Variants in GTF2A1L observed in about 807,000 individuals in gnomAD.
GTF2A1L encodes the protein general transcription factor IIA subunit 1 like, also known as TFIIA-alpha and beta-like factor.
Under a neutral mutation model 49.7 loss-of-function variants are expected in GTF2A1L, and 48 were observed. That is an observed-to-expected ratio of 0.97 (90% confidence interval 0.77 to 1.23). The LOEUF (loss-of-function observed/expected upper bound fraction) is 1.23, where lower values mean the gene tolerates loss of function less well. Among genes scored for constraint, GTF2A1L ranks in the 50% most tolerant of loss-of-function variants. GTF2A1L has a pLI of 0.00. For missense variants in GTF2A1L, 736 were observed against 564.8 expected, an observed-to-expected ratio of 1.30 and a Z score of -3.07; for synonymous variants, 246 against 193.5, an observed-to-expected ratio of 1.27 and a Z score of -2.25.
intron 6 of GTF2A1L, among the ~76,000 whole-genome samples, chr2:48,662,345 C>T (rs1270988018): frequency 6.6e-6 from 1 of 152,046 alleles, no homozygotes; most frequent in Admixed American, 6.6e-5. Context: ...TTAACTTTAC[C>T]AGATAATTTT....
At chr2:48,639,989 A>T (rs1416783693) in intron 3 of GTF2A1L, among the ~76,000 whole-genome samples, 2 of 152,190 alleles carry the variant, frequency 1.3e-5, no homozygotes, top group Non-Finnish European at 2.9e-5. Flanking sequence ...AATCAAAAAC[A>T]CAAGGAGATA....
At chr2:48,678,294 C>T (rs532627961) in intron 8 of GTF2A1L, among the ~76,000 whole-genome samples, 79 of 151,794 alleles carry the variant, frequency 5.2e-4, no homozygotes, top group African/African-American at 1.9e-3. Flanking sequence ...TTGTTGTCAC[C>T]GTTGTATTCC....
chr2:48,621,246 T>G lies in GTF2A1L; in HGVS notation c.203T>G (p.Leu68Arg). The part of the protein sequence containing the change: ...RNSIQSPLFT[L>R]QLPHSLHQTL... ...AGCATCCAATCACCTCTGTTTACTC[T>G]TCAGTTGCCGCACAGCTTGCACCAA... The change falls in exon 3 of 9, where the codon CTT becomes CGT. Residue 68 changes from leucine (L) to arginine (R), a missense_variant. By Grantham distance (102) the Leu-to-Arg change is moderately radical (BLOSUM62 -2). Coordinates refer to ENST00000403751, the MANE Select transcript of GTF2A1L (RefSeq NM_006872.5). The G allele has an allele frequency of 6.2e-7, 1 of 1,614,174 alleles. No homozygotes were observed. Among genetic ancestry groups the G allele is most frequent in the East Asian group, 2.2e-5 (1 of 44,874 alleles).
At chr2:48,621,926 C>T (rs1676020951) in intron 3 of GTF2A1L, among the ~76,000 whole-genome samples, 1 of 152,148 alleles carries the variant, frequency 6.6e-6, no homozygotes, top group Non-Finnish European at 1.5e-5. Context: ...AGTTTTCTAT[C>T]CTTGTATGCT....
intron 6 of GTF2A1L, among the ~76,000 whole-genome samples, chr2:48,656,533 T>A (rs1335583753): frequency 1.3e-4 from 20 of 152,132 alleles, no homozygotes; most frequent in Admixed American, 5.9e-4. Context: ...CCCATTTTTT[T>A]AAAATTGGAC....
chr2:48,640,999 A>G (rs1047328143), intron 3 of GTF2A1L, among the ~76,000 whole-genome samples: 2 of 151,814 alleles, frequency 1.3e-5, no homozygotes, highest in African/African-American at 4.8e-5. Context: ...AACTTTAAAA[A>G]CTCTCTTATT....
chr2:48,661,088 A>G (rs1678466977), intron 6 of GTF2A1L, among the ~76,000 whole-genome samples: 1 of 151,484 alleles, frequency 6.6e-6, no homozygotes, highest in Non-Finnish European at 1.5e-5. Flanking sequence ...CTTTTTCTCT[A>G]ACATTATTAT....
Position 48,620,896 on chromosome 2 carries a change from C to T in GTF2A1L, c.67C>T (p.Arg23Trp), listed in dbSNP as rs763073965. ...AATTGAAGATGTAATTGAAGGAGTT[C>T]GGAATCTATTTGCTGAAGAAGGTAT... ...SVIEDVIEGV[R>W]NLFAEEGIEE... Residue 23 changes from arginine (R) to tryptophan (W), a missense_variant, in exon 2 of 9, where the codon CGG (arginine) becomes TGG (tryptophan). Transcript: ENST00000403751. The T allele has an allele frequency of 1.9e-5, 31 of 1,603,964 alleles. No homozygotes were observed. Among genetic ancestry groups the T allele is most frequent in the Middle Eastern group, 1.7e-4 (1 of 6,048 alleles).
At chr2:48,638,289 G>A (rs1608569) in intron 3 of GTF2A1L, among the ~76,000 whole-genome samples, 123,589 of 152,134 alleles carry the variant, frequency 0.81, 51,469 homozygotes, top group East Asian at 0.99. Flanking sequence ...AAACCTTCAG[G>A]CCAATATTCC....
chr2:48,647,055 G>C lies in GTF2A1L; in HGVS notation c.978+13G>C. ...TGTATCAGAGAAGGTATAGTTCTGTGTCCAACTTCTTGGTATCAGGGGACA... is the reference window on the plus strand; with the variant it reads ...TGTATCAGAGAAGGTATAGTTCTGTCTCCAACTTCTTGGTATCAGGGGACA... On this transcript the variant is annotated intron_variant, in intron 6 of 8. Transcript: ENST00000403751. The C allele has an allele frequency of 1.3e-6, 2 of 1,562,104 alleles. No individual in the cohort carries two copies. Among genetic ancestry groups the C allele is most frequent in the Non-Finnish European group, 1.7e-6 (2 of 1,155,200 alleles).
chr2:48,642,546 AC>A, intron 4 of GTF2A1L, 89 bp downstream of exon 4: 1 of 1,265,256 alleles, frequency 7.9e-7, no homozygotes, highest in Non-Finnish European at 1.1e-6. Context: ...GTAATTTCTT[AC>A]CCTCCAGTTG....
intron 3 of GTF2A1L, chr2:48,632,942 C>A: frequency 4.4e-6 from 1 of 227,388 alleles, no homozygotes; most frequent in South Asian, 6.8e-5. Flanking sequence ...CATCTGGATT[C>A]ATGTTTTTAC....
chr2:48,644,962 G>C, intron 4 of GTF2A1L, 71 bp from the exon 5 acceptor site: 1 of 1,422,456 alleles, frequency 7.0e-7, no homozygotes, highest in South Asian at 1.4e-5. Context: ...TTGACTCCCT[G>C]TGAGATCAGG....
rs1045577650 is a variant in GTF2A1L at position 48,637,475 on chromosome 2, G to A, written c.248-4927G>A. Among the ~76,000 whole-genome samples the A allele has an allele frequency of 2.0e-5, 3 of 152,180 alleles. No homozygotes were observed. The South Asian group carries it at 6.2e-4, about 32-fold the overall frequency. On this transcript the variant is annotated intron_variant, in intron 3 of 8. Transcript: ENST00000403751. ...GAATCTCTGGGACACAGCTAAGGCA[G>A]TGTTAAGAGGGAAATTCATAGCACT...
intron 4 of GTF2A1L, among the ~76,000 whole-genome samples, chr2:48,642,679 A>T (rs1677266081): frequency 1.3e-5 from 2 of 152,064 alleles, no homozygotes; most frequent in Admixed American, 6.5e-5. Context: ...ACATGGCAAA[A>T]CCCTGTCTCT....
At chr2:48,622,915 G>T (rs1194872499) in intron 3 of GTF2A1L, among the ~76,000 whole-genome samples, 1 of 112,970 alleles carries the variant, frequency 8.9e-6, no homozygotes, top group Non-Finnish European at 1.8e-5. Flanking sequence ...CCGCAAGATG[G>T]TAATATTACC....
At chr2:48,652,482 G>A (rs1188995918) in intron 6 of GTF2A1L, among the ~76,000 whole-genome samples, 1 of 151,306 alleles carries the variant, frequency 6.6e-6, no homozygotes, top group Admixed American at 6.6e-5. Context: ...GGAGTGTGGT[G>A]GCAGGCACCT....
At chr2:48,678,054 A>G (rs968606555) in intron 8 of GTF2A1L, among the ~76,000 whole-genome samples, 1 of 151,578 alleles carries the variant, frequency 6.6e-6, no homozygotes, top group Non-Finnish European at 1.5e-5. Flanking sequence ...TAAAAAATCT[A>G]ATATGCAATA....
At chr2:48,617,981 C>A in intron 1 of GTF2A1L, 86 bp downstream of exon 1, 1 of 1,336,398 alleles carries the variant, frequency 7.5e-7, no homozygotes, top group South Asian at 1.3e-5. Context: ...TTTGTTTCCC[C>A]CTGACACTTT....
Sources: gnomAD v4.1 joint callset for allele counts (sites outside exome capture counted in the v4.1 genomes callset) on GRCh38, gnomAD v4.1.1 for gene constraint, MANE v1.5 for transcripts, NCBI Gene and HGNC (gene_info 2026-07-23, HGNC 2026-07-21) for gene names.